The following ANK2 variants were observed in gnomAD, a reference collection of about 807,000 sequenced individuals.
The protein encoded by ANK2 is ankyrin 2.
In ANK2, 83 loss-of-function variants were observed where a neutral mutation model predicts 360.5. That is an observed-to-expected ratio of 0.23 (90% CI 0.19 to 0.28). The LOEUF is 0.28. Ranked by LOEUF, ANK2 falls within the 10% of genes least tolerant of loss-of-function variation. ANK2 has a pLI of 1.00. For synonymous variants in ANK2, 1,740 were observed against 1,759.5 expected, an observed-to-expected ratio of 0.99 and a Z score of 0.28; for missense variants, 4,201 against 4,795.7, an observed-to-expected ratio of 0.88 and a Z score of 3.66.
At chr4:113,324,561 C>T (rs575258176) in intron 26 of ANK2, among the ~76,000 whole-genome samples, 38 of 152,194 alleles carry the variant, frequency 2.5e-4, no homozygotes, top group South Asian at 1.7e-3. Context: ...TCTTTCCATA[C>T]GTGAACACAG....
At chr4:112,980,031 T>C (rs901634695) in intron 2 of ANK2, 2 of 152,240 alleles carry the variant, frequency 1.3e-5, no homozygotes, top group Non-Finnish European at 2.9e-5. Context: ...GACATCAACA[T>C]GTAGTCCACG....
At chr4:112,916,836 A>G (rs1004533780) in intron 2 of ANK2, among the ~76,000 whole-genome samples, 18 of 152,214 alleles carry the variant, frequency 1.2e-4, no homozygotes, top group African/African-American at 4.1e-4. Context: ...CAATTTAATG[A>G]TCAAATTATA....
chr4:113,340,848 C>CAA (rs1224495854), intron 32 of ANK2, among the ~76,000 whole-genome samples: 5 of 74,148 alleles, frequency 6.7e-5, no homozygotes, highest in Admixed American at 1.5e-4. Flanking sequence ...GACAACGTCT[C>CAA]AAAAAAAAAA....
At chr4:113,342,910 T>C (rs945301924) in intron 33 of ANK2, 107 bp from the exon 34 acceptor site, 2 of 1,370,994 alleles carry the variant, frequency 1.5e-6, no homozygotes, top group Admixed American at 1.7e-5. Context: ...GATGGTTGTA[T>C]GTGTATTATA....
intron 26 of ANK2, among the ~76,000 whole-genome samples, chr4:113,320,671 A>T (rs77572888): frequency 0.038 from 5,720 of 152,088 alleles, 363 homozygotes; most frequent in African/African-American, 0.13. Context: ...AAACAAAAAC[A>T]AAAACAAAAA....
intron 1 of ANK2, among the ~76,000 whole-genome samples, chr4:113,097,866 G>A (rs113967111): frequency 0.65 from 70,511 of 108,506 alleles, 19,396 homozygotes; most frequent in East Asian, 0.77. Flanking sequence ...GTGTGTGTGT[G>A]TATATATATG....
chr4:112,772,590 CT>C, the ANK2 span, among the ~76,000 whole-genome samples: 19 of 152,090 alleles, frequency 1.2e-4, no homozygotes, highest in Non-Finnish European at 2.5e-4. Context: ...TGAAATCTGA[CT>C]TAAATGAATA....
intron 24 of ANK2, among the ~76,000 whole-genome samples, chr4:113,312,831 A>G (rs1395333635): frequency 1.3e-5 from 2 of 152,186 alleles, no homozygotes; most frequent in African/African-American, 2.4e-5. Context: ...GAGAAAGAGG[A>G]TGAATTTTAA....
chr4:112,860,888 C>T (rs2067789307), intron 1 of ANK2, among the ~76,000 whole-genome samples: 1 of 152,110 alleles, frequency 6.6e-6, no homozygotes, highest in African/African-American at 2.4e-5. Flanking sequence ...TTTTGCTGGA[C>T]TTTTCTAAGG....
intron 36 of ANK2, 29 bp from the exon 37 acceptor site, chr4:113,350,199 C>T (rs1389795059): frequency 6.2e-7 from 1 of 1,600,912 alleles, no homozygotes; most frequent in African/African-American, 1.3e-5. Context: ...GTATTTGTAA[C>T]CATTCAATTT....
chr4:113,256,828 G>T (rs558855749), intron 11 of ANK2, among the ~76,000 whole-genome samples: 3 of 152,240 alleles, frequency 2.0e-5, no homozygotes, highest in East Asian at 1.9e-4. Context: ...TGATAATTAC[G>T]TGGGAAGTGA....
chr4:113,036,920 T>C (rs138096760), intron 2 of ANK2, among the ~76,000 whole-genome samples: 1 of 152,068 alleles, frequency 6.6e-6, no homozygotes, highest in Non-Finnish European at 1.5e-5. Context: ...GATTCAGGCT[T>C]CCTAAACTCA....
chr4:113,294,112 A>G (rs1042982568), intron 22 of ANK2, among the ~76,000 whole-genome samples: 39 of 152,266 alleles, frequency 2.6e-4, no homozygotes, highest in African/African-American at 9.4e-4. Flanking sequence ...AAAATTTCTT[A>G]TTTTCTCTGT....
At chr4:113,305,659 A>C (rs1469049930) in intron 23 of ANK2, among the ~76,000 whole-genome samples, 1 of 152,262 alleles carries the variant, frequency 6.6e-6, no homozygotes, top group African/African-American at 2.4e-5. Context: ...GAAGGAAATT[A>C]GCTGGTTGAC....
chr4:113,107,281 A>G (rs1266664060), intron 1 of ANK2, among the ~76,000 whole-genome samples: 1 of 152,128 alleles, frequency 6.6e-6, no homozygotes. Context: ...CAGTAGCGTG[A>G]TAACGGCTCA....
At chr4:113,093,105 C>T (rs2089349029) in intron 1 of ANK2, among the ~76,000 whole-genome samples, 1 of 151,988 alleles carries the variant, frequency 6.6e-6, no homozygotes, top group Non-Finnish European at 1.5e-5. Flanking sequence ...GCTTATAGTG[C>T]AGTTATATAG....
At chr4:113,279,255 T>TA (rs1397996782) in intron 17 of ANK2, among the ~76,000 whole-genome samples, 7 of 152,180 alleles carry the variant, frequency 4.6e-5, no homozygotes, top group African/African-American at 1.2e-4. Context: ...AGGGTTTATT[T>TA]AAAAAATATT....
At chr4:112,946,172 A>AG (rs2094530049) in intron 2 of ANK2, among the ~76,000 whole-genome samples, 1 of 152,044 alleles carries the variant, frequency 6.6e-6, no homozygotes, top group Non-Finnish European at 1.5e-5. Flanking sequence ...CGGCTTTGAG[A>AG]GGGGCTTGTT....
intron 5 of ANK2, 104 bp from the exon 6 acceptor site, chr4:113,236,883 G>T (rs1445255537): frequency 5.2e-6 from 6 of 1,157,474 alleles, no homozygotes; most frequent in African/African-American, 3.0e-5. Flanking sequence ...TTATTCTTTT[G>T]GTTGTCAATC....
Sources: allele counts gnomAD v4.1 joint callset (sites outside exome capture counted in the v4.1 genomes callset), GRCh38; gene constraint gnomAD v4.1.1; transcripts MANE v1.5; gene names NCBI Gene and HGNC (gene_info 2026-07-23, HGNC 2026-07-21).